The following TCIRG1 variants were observed in gnomAD, a reference collection of about 807,000 sequenced individuals.
TCIRG1 encodes the protein T cell immune regulator 1, ATPase H+ transporting V0 subunit a3.
A neutral mutation model predicts 95.5 loss-of-function variants in TCIRG1; 86 were observed. That is an observed-to-expected ratio of 0.90 (90% CI 0.76 to 1.08). The LOEUF (loss-of-function observed/expected upper bound fraction) is 1.08, where lower values mean the gene tolerates loss of function less well. Ranked by LOEUF, TCIRG1 falls within the 50% of genes least tolerant of loss-of-function variation. The pLI is 0.00. For synonymous variants in TCIRG1, 499 were observed against 501.3 expected, an observed-to-expected ratio of 1.00 and a Z score of 0.06; for missense variants, 1,069 against 1,140.2, an observed-to-expected ratio of 0.94 and a Z score of 0.90.
At chr11:68,046,688 C>G (rs1253621097) in intron 10 of TCIRG1, among the ~76,000 whole-genome samples, 1 of 152,188 alleles carries the variant, frequency 6.6e-6, no homozygotes, top group East Asian at 1.9e-4. Flanking sequence ...CCTCCTGCCT[C>G]CCATGAGGAC....
Position 68,044,317 on chromosome 11 carries a change from C to G in TCIRG1, c.993C>G (p.Ala331=). ...GGTGCTCTGTGCGAGACCTGCCCGC[C>G]CTGCAGGAGGCCCTGCGGGACAGCT... is the stretch of plus-strand genomic sequence containing the variant. The part of the protein sequence containing the change: ...EAWCSVRDLP[A]LQEALRDSSM... Residue 331 remains alanine, a synonymous_variant, in exon 9 of 20, where the codon GCC becomes GCG. Transcript: ENST00000265686. 6.3e-7 allele frequency: 1 copy of G among 1,598,080 alleles called. No individual in the cohort carries two copies. The highest frequency in any genetic ancestry group is 1.1e-5 in the South Asian group (1 of 88,540).
intron 1 of TCIRG1, among the ~76,000 whole-genome samples, chr11:68,040,844 ACAGGGAG>A (rs1247034852): frequency 1.3e-5 from 2 of 152,144 alleles, no homozygotes; most frequent in Non-Finnish European, 2.9e-5. Context: ...ATGCAGCTCC[ACAGGGAG>A]CAGCGAGGGC....
rs889444496 is a variant in TCIRG1 at position 68,043,600 on chromosome 11, C to T, written c.660C>T (p.Leu220=). Residue 220 remains leucine, a synonymous_variant, in exon 7 of 20, where the codon CTC becomes CTT. Coordinates refer to ENST00000265686, the MANE Select transcript of TCIRG1 (RefSeq NM_006019.4). Reference sequence around the variant, plus strand: ...AGCCAGCCACGTGGATGACCTTCCTCATCTCCTACTGGGGTGAGCAGATCG... The same window carrying T: ...AGCCAGCCACGTGGATGACCTTCCTTATCTCCTACTGGGGTGAGCAGATCG... ...TGEPATWMTF[L]ISYWGEQIGQ... is the part of the protein sequence containing the mutation. 4.3e-6 allele frequency: 7 copies of T among 1,611,290 alleles called. No homozygotes were observed. The highest frequency in any genetic ancestry group is 4.5e-5 in the East Asian group (2 of 44,840).
Position 68,047,952 on chromosome 11 carries a change from T to C in TCIRG1, c.1534T>C (p.Tyr512His). The C allele has an allele frequency of 1.2e-6, 2 of 1,613,768 alleles. No homozygotes were observed. The highest frequency in any genetic ancestry group is 1.7e-6 in the Non-Finnish European group (2 of 1,179,970). ...PNVTGVFLGP[Y>H]PFGIDPIWSL... ...CGTCACCGGTGTCTTCCTGGGACCC[T>C]ACCCCTTTGGCATCGATCCTGTGAG... Residue 512 changes from tyrosine (Y) to histidine (H), a missense_variant, in exon 13 of 20, where the codon TAC becomes CAC. Physicochemically the swap from Tyr to His is moderately conservative, Grantham distance 83. Coordinates refer to ENST00000265686, the MANE Select transcript of TCIRG1 (RefSeq NM_006019.4).
chr11:68,049,407 G>C, intron 15 of TCIRG1, 113 bp downstream of exon 15: 1 of 1,209,988 alleles, frequency 8.3e-7, no homozygotes, highest in Non-Finnish European at 1.1e-6. Flanking sequence ...GCAGGCCCCG[G>C]GCCGTGCAGA....
rs768033557 is a variant in TCIRG1 at position 68,043,957 on chromosome 11, G to A, written c.807+50G>A. 5.5e-5 allele frequency: 80 copies of A among 1,453,864 alleles called. 4 individuals are homozygous for A. In the South Asian group the frequency reaches 8.2e-4, roughly 15 times the overall value. The allele number at this position is 1,453,864 out of a possible 1,614,324, so 90.1% of individuals were successfully genotyped here. ...GCGGGTGTAGGAGGTGGGTGCCCCC[G>A]GCCTCCCGGAGGTGGGTGCAGGAGG... On this transcript the variant is annotated intron_variant, in intron 8 of 19. Coordinates refer to ENST00000265686, the MANE Select transcript of TCIRG1 (RefSeq NM_006019.4).
At position 68,049,765 on chromosome 11, in the gene TCIRG1, CGGA is replaced by C. The variant is rs886332099; in HGVS notation, c.1996_1998del (p.Arg666del). 6.3e-7 allele frequency: 1 copy of C among 1,574,822 alleles called. No individual in the cohort carries two copies. The highest frequency in any genetic ancestry group is 8.6e-7 in the Non-Finnish European group (1 of 1,167,196). Reference sequence around the variant, plus strand: ...GCTGCACCGCCACCGCCGCCGCCTGCGGAGGAGGCCCGCTGACCGACAGGTGGG... The same window carrying C: ...GCTGCACCGCCACCGCCGCCGCCTGCGGAGGCCCGCTGACCGACAGGTGGG... On this transcript the variant is annotated inframe_deletion, in exon 16 of 20. Transcript: ENST00000265686.
In TCIRG1 at chr11:68,049,664, AGGT is replaced by A; in HGVS notation, c.1893_1895del (p.Val632del). 1 of 1,600,462 alleles carries A rather than the reference AGGT, an allele frequency of 6.2e-7. No homozygotes were observed. The highest frequency in any genetic ancestry group is 2.2e-5 in the East Asian group (1 of 44,828). The stretch of plus-strand genomic sequence containing the variant: ...TGACTCTCGCCCTCTCCCTGGCAGG[AGGT>A]GGTCCAGGCCACGCTGGTGGTCCTG... On this transcript the variant is annotated inframe_deletion and splice_region_variant, in exon 16 of 20. Coordinates refer to ENST00000265686, the MANE Select transcript of TCIRG1 (RefSeq NM_006019.4).
intron 2 of TCIRG1, 77 bp downstream of exon 2, chr11:68,041,465 C>CT: frequency 9.2e-7 from 1 of 1,087,726 alleles, no homozygotes; most frequent in African/African-American, 1.5e-5. Context: ...TGGGGACTGC[C>CT]CCCCCTCCGC....
chr11:68,042,121 G>C lies in TCIRG1; in HGVS notation c.196+290G>C, dbSNP rs118121771. On this transcript the variant is annotated intron_variant, in intron 3 of 19. Transcript: ENST00000265686. The stretch of plus-strand genomic sequence containing the variant: ...CTGTGGGCGCCAGGAAGCCACAGGG[G>C]TTTCTAAGCAGGGAAGAGGCACAGA... Among the ~76,000 whole-genome samples the C allele has an allele frequency of 4.4e-3, 641 of 146,494 alleles. 3 individuals are homozygous for C. The highest frequency in any genetic ancestry group is 0.023 in the South Asian group (97 of 4,300).
chr11:68,045,788 C>G (rs992861638), intron 10 of TCIRG1, among the ~76,000 whole-genome samples: 2 of 152,300 alleles, frequency 1.3e-5, no homozygotes, highest in East Asian at 3.9e-4. Flanking sequence ...CCCGACCTCA[C>G]GTGATCCACC....
chr11:68,044,927 C>G (rs773103422), intron 9 of TCIRG1, 31 bp from the exon 10 acceptor site: 3 of 1,604,296 alleles, frequency 1.9e-6, no homozygotes, highest in Non-Finnish European at 2.5e-6. Context: ...CCCCCGCCAC[C>G]GTTCTGGTCT....
At chr11:68,052,578 A>C (rs1046579594), downstream of TCIRG1, 1 of 152,562 alleles carries the variant, frequency 6.6e-6, no homozygotes, top group African/African-American at 2.4e-5. Flanking sequence ...CCAGCCGCTC[A>C]GCATCCCCAG....
chr11:68,052,489 A>G (rs1470491836), downstream of TCIRG1: 3 of 152,186 alleles, frequency 2.0e-5, no homozygotes, highest in African/African-American at 7.2e-5. Context: ...CAACACCTTT[A>G]CTGCTTCATT....
At chr11:68,044,466 C>T (rs1855365361) in intron 9 of TCIRG1, 122 bp downstream of exon 9, 1 of 804,018 alleles carries the variant, frequency 1.2e-6, no homozygotes, top group Non-Finnish European at 2.0e-6. Flanking sequence ...TCCTTCTCCT[C>T]CCAGCCTCCT....
rs532106336 is a variant in TCIRG1, at chr11:68,045,020, C to T, written c.1083C>T (p.Leu361=). 3.7e-6 allele frequency: 6 copies of T among 1,608,332 alleles called. No homozygotes were observed. The Admixed American group carries it at 1.0e-4, about 27-fold the overall frequency. Residue 361 remains leucine, a synonymous_variant, in exon 10 of 20, where the codon CTC becomes CTT. Transcript: ENST00000265686. ...CCTGCCGGGACATGCCCCCCACACT[C>T]ATCCGCACCAACCGCTTCACGGCCA... The part of the protein sequence containing the change: ...RIPCRDMPPT[L]IRTNRFTASF...
chr11:68,049,825 G>A (rs1416133354), intron 16 of TCIRG1, 37 bp downstream of exon 16: 7 of 1,558,396 alleles, frequency 4.5e-6, no homozygotes, highest in South Asian at 1.2e-5. Flanking sequence ...GGCTGCTTGC[G>A]GGGAGAGGCC....
intron 10 of TCIRG1, 46 bp from the exon 11 acceptor site, chr11:68,047,387 T>C: frequency 1.2e-6 from 2 of 1,610,222 alleles, no homozygotes; most frequent in African/African-American, 1.3e-5. Context: ...GGGAGGCAGA[T>C]GCTGGTGTGT....
Position 68,050,253 on chromosome 11 carries a change from C to T in TCIRG1, c.2235C>T (p.Ala745=), listed in dbSNP as rs370875803. 6.2e-7 allele frequency: 1 copy of T among 1,612,216 alleles called. No individual in the cohort carries two copies. Among genetic ancestry groups the T allele is most frequent in the African/African-American group, 1.3e-5 (1 of 74,916 alleles). ...LRLWALSLAH[A]QLSEVLWAMV... The stretch of plus-strand genomic sequence containing the variant: ...TGTGGGCCCTGAGCCTGGCCCACGC[C>T]CGTGAGTGACCTGGCCACCGACGGC... Residue 745 remains alanine (A), a splice_region_variant and synonymous_variant, in exon 18 of 20, where the codon GCC becomes GCT. Transcript: ENST00000265686.
Sources: allele counts gnomAD v4.1 joint callset (sites outside exome capture counted in the v4.1 genomes callset), GRCh38; gene constraint gnomAD v4.1.1; transcripts MANE v1.5; gene names NCBI Gene and HGNC (gene_info 2026-07-23, HGNC 2026-07-21).